The following C1QTNF2 variants were observed in gnomAD, a reference collection of about 807,000 sequenced individuals.
C1QTNF2 encodes the protein complement C1q tumor necrosis factor-related protein 2.
A neutral mutation model predicts 17.4 loss-of-function variants in C1QTNF2; 15 were observed. The observed-to-expected ratio is 0.86, with a 90% CI of 0.58 to 1.33. The LOEUF (loss-of-function observed/expected upper bound fraction) is 1.33. Among genes scored for constraint, C1QTNF2 ranks in the 40% most tolerant of loss-of-function variants. The pLI is 0.00. For missense variants in C1QTNF2, 381 were observed against 392.3 expected, an observed-to-expected ratio of 0.97 and a Z score of 0.24; for synonymous variants, 154 against 163.3, an observed-to-expected ratio of 0.94 and a Z score of 0.44.
In C1QTNF2 at chr5:160,354,788, C is replaced by T. The variant is rs766761788; in HGVS notation, c.224G>A (p.Arg75Gln). The T allele has an allele frequency of 3.7e-5, 59 of 1,613,564 alleles. No individual in the cohort carries two copies. The highest frequency in any genetic ancestry group is 8.8e-5 in the South Asian group (8 of 91,028). Residue 75 changes from arginine (R) to glutamine (Q), a missense_variant, in exon 2 of 3, where the codon CGG becomes CAG. By Grantham distance (43) the Arg-to-Gln change is conservative. Coordinates refer to ENST00000652664, the MANE Select transcript of C1QTNF2 (RefSeq NM_031908.6). The stretch of plus-strand genomic sequence containing the variant: ...CTTACCTTCCTCTCCGCTGTCCCCC[C>T]GGTCGCCGTCGTGTCCATCTTGGCC... ...KDGQDGHDGDRGDSGEEGPPG... is the reference protein window; with the variant it reads ...KDGQDGHDGDQGDSGEEGPPG...
At chr5:160,357,284 AC>A (rs1160751245) in intron 1 of C1QTNF2, among the ~76,000 whole-genome samples, 1 of 152,218 alleles carries the variant, frequency 6.6e-6, no homozygotes, top group Non-Finnish European at 1.5e-5. Flanking sequence ...GGAGACTTCA[AC>A]CAGGGGGAGG....
chr5:160,362,459 C>A (rs903727919), intron 1 of C1QTNF2, among the ~76,000 whole-genome samples: 2 of 152,238 alleles, frequency 1.3e-5, no homozygotes, highest in Non-Finnish European at 2.9e-5. Flanking sequence ...CTGCCCAACT[C>A]TCTCTTGAGA....
At chr5:160,359,868 A>G (rs1224163372) in intron 1 of C1QTNF2, among the ~76,000 whole-genome samples, 1 of 152,164 alleles carries the variant, frequency 6.6e-6, no homozygotes, top group East Asian at 1.9e-4. Context: ...CATGGCTTAC[A>G]ATGCCCCAGT....
chr5:160,350,823 T>C (rs1763905304), intron 2 of C1QTNF2, among the ~76,000 whole-genome samples: 1 of 150,662 alleles, frequency 6.6e-6, no homozygotes, highest in Non-Finnish European at 1.5e-5. Flanking sequence ...CGATCTCCGC[T>C]CACTGCAAGC....
intron 2 of C1QTNF2, among the ~76,000 whole-genome samples, chr5:160,352,927 C>G (rs1453700839): frequency 2.0e-5 from 3 of 152,176 alleles, no homozygotes; most frequent in Admixed American, 2.0e-4. Flanking sequence ...TATGCTGAGA[C>G]TGGTCCTTCA....
At chr5:160,362,230 T>C (rs968443510) in intron 1 of C1QTNF2, among the ~76,000 whole-genome samples, 1 of 152,206 alleles carries the variant, frequency 6.6e-6, no homozygotes. Context: ...AACATGTTGA[T>C]GGATTTGATC....
At position 160,349,973 on chromosome 5, in the gene C1QTNF2, AC is replaced by A. The variant is rs1763887100; in HGVS notation, c.245-193del. Among the ~76,000 whole-genome samples, 2 of 152,222 alleles carry A rather than the reference AC, an allele frequency of 1.3e-5. No individual in the cohort carries two copies. Among genetic ancestry groups the A allele is most frequent in the African/African-American group, 4.8e-5 (2 of 41,462 alleles). Reference sequence around the variant, plus strand: ...CTGGAAAATGGAAATGATGATACTTACCTTCAAGAATCACTGTGGATCAGGG... The same window carrying A: ...CTGGAAAATGGAAATGATGATACTTACTTCAAGAATCACTGTGGATCAGGG... On this transcript the variant is annotated intron_variant, in intron 2 of 2. Transcript: ENST00000652664. The surrounding 1 kb of genome is among the most constrained non-coding windows in gnomAD (Gnocchi z 4.3).
chr5:160,368,083 T>C (rs570550798), intron 1 of C1QTNF2, among the ~76,000 whole-genome samples: 1 of 152,322 alleles, frequency 6.6e-6, no homozygotes, highest in Admixed American at 6.5e-5. Context: ...TCCTCCACCA[T>C]GGCCCCTCAG....
intron 2 of C1QTNF2, among the ~76,000 whole-genome samples, chr5:160,351,566 G>C (rs1339291223): frequency 1.3e-5 from 2 of 152,120 alleles, no homozygotes; most frequent in Non-Finnish European, 2.9e-5. Flanking sequence ...CAGGAACAGA[G>C]TGCTTATGTT....
chr5:160,370,446 GTCCTCC>G (rs766653176), intron 1 of C1QTNF2, 60 bp downstream of exon 1: 4 of 1,365,594 alleles, frequency 2.9e-6, no homozygotes, highest in Admixed American at 3.8e-5. Flanking sequence ...AGCAGTGCGA[GTCCTCC>G]TCCTCCTCCT....
intron 1 of C1QTNF2, among the ~76,000 whole-genome samples, chr5:160,363,896 C>G (rs919364210): frequency 6.6e-6 from 1 of 152,200 alleles, no homozygotes; most frequent in African/African-American, 2.4e-5. Context: ...TGAGGGTGTT[C>G]ATATCCCCAT....
rs1764337509 is a variant in C1QTNF2 at position 160,370,569 on chromosome 5, C to T, written c.-67G>A. ...CGGAGCAAAGAAGCTCTCGGCGGGGCTCCGCGTCCCGGCTTTCCTCAGCGG... is the reference window on the plus strand; with the variant it reads ...CGGAGCAAAGAAGCTCTCGGCGGGGTTCCGCGTCCCGGCTTTCCTCAGCGG... On this transcript the variant is annotated 5_prime_UTR_variant, in exon 1 of 3. Transcript: ENST00000652664. The T allele has an allele frequency of 1.4e-6, 2 of 1,442,532 alleles. No individual in the cohort carries two copies. The highest frequency in any genetic ancestry group is 1.5e-5 in the South Asian group (1 of 66,880). The allele number at this position is 1,442,532 out of a possible 1,614,324, so 89.4% of individuals were successfully genotyped here. A position where few individuals can be genotyped will look rare whatever the true frequency, so the allele number is the denominator to read the frequency against.
chr5:160,359,021 C>T (rs1764102237), intron 1 of C1QTNF2, among the ~76,000 whole-genome samples: 1 of 152,130 alleles, frequency 6.6e-6, no homozygotes, highest in African/African-American at 2.4e-5. Flanking sequence ...AGCGATCTAC[C>T]CGTTTCAGCC....
rs1450321897 is a variant in C1QTNF2, at chr5:160,370,518, G to T, written c.-16C>A. 2 of 1,482,754 alleles carry T rather than the reference G, an allele frequency of 1.3e-6. No homozygotes were observed. Among genetic ancestry groups the T allele is most frequent in the East Asian group, 5.6e-5 (2 of 35,932 alleles). The allele number at this position is 1,482,754 out of a possible 1,614,324, so 91.8% of individuals were successfully genotyped here. On this transcript the variant is annotated 5_prime_UTR_variant, in exon 1 of 3. Transcript: ENST00000652664. ...CGCGGTGCGGGACACTCACCCTCGC[G>T]GCTGCCCGCCACGTCCAGGGGCGTC...
intron 1 of C1QTNF2, among the ~76,000 whole-genome samples, chr5:160,355,779 T>G (rs541797076): frequency 1.7e-4 from 26 of 151,602 alleles, no homozygotes; most frequent in African/African-American, 5.8e-4. Context: ...TTTTGTAAAC[T>G]TTCTTAAAAC....
rs117673004 is a variant in C1QTNF2 at position 160,347,913 on chromosome 5, C to G, written c.*1255G>C. 1.3e-5 allele frequency: 2 copies of G among 152,182 alleles called. No homozygotes were observed. Among genetic ancestry groups the G allele is most frequent in the South Asian group, 4.1e-4 (2 of 4,826 alleles). The allele number at this position is 152,182 out of a possible 1,614,324, so 9.4% of individuals were successfully genotyped here. On this transcript the variant is annotated 3_prime_UTR_variant, in exon 3 of 3. Coordinates refer to ENST00000652664, the MANE Select transcript of C1QTNF2 (RefSeq NM_031908.6). ...TAGCTGGGATTACAGGCACCCAACACCACGCCTGTCTAATTTTTGTATTTT... is the reference window on the plus strand; with the variant it reads ...TAGCTGGGATTACAGGCACCCAACAGCACGCCTGTCTAATTTTTGTATTTT...
At chr5:160,350,238 A>G (rs2113500579) in intron 2 of C1QTNF2, among the ~76,000 whole-genome samples, 1 of 152,340 alleles carries the variant, frequency 6.6e-6, no homozygotes, top group Middle Eastern at 3.4e-3. Flanking sequence ...ATAGCAAAAA[A>G]TAGGAACAAC....
chr5:160,368,895 G>A (rs1764296415), intron 1 of C1QTNF2, among the ~76,000 whole-genome samples: 1 of 152,174 alleles, frequency 6.6e-6, no homozygotes, highest in Non-Finnish European at 1.5e-5. Context: ...CGTGACTCCA[G>A]CCTTGTGAAA....
At chr5:160,361,700 G>A (rs1395025331) in intron 1 of C1QTNF2, among the ~76,000 whole-genome samples, 1 of 152,202 alleles carries the variant, frequency 6.6e-6, no homozygotes, top group Non-Finnish European at 1.5e-5. Context: ...CGGTTGGAAA[G>A]AACTGTGCCT....
Sources: allele counts gnomAD v4.1 joint callset (sites outside exome capture counted in the v4.1 genomes callset), GRCh38; gene constraint gnomAD v4.1.1; non-coding constraint Gnocchi (gnomAD v3.1); transcripts MANE v1.5; gene names NCBI Gene and HGNC (gene_info 2026-07-23, HGNC 2026-07-21).